The following FER variants were observed in gnomAD, a reference collection of about 807,000 sequenced individuals.
The protein encoded by FER is FER tyrosine kinase, also known as tyrosine-protein kinase Fer.
Under a neutral mutation model 111.0 loss-of-function variants are expected in FER, and 63 were observed. The observed-to-expected ratio is 0.57, with a 90% CI of 0.46 to 0.70. The LOEUF is 0.70. FER is among the 30% of genes least tolerant of loss of function. The pLI is 0.00. For synonymous variants in FER, 327 were observed against 313.9 expected, an observed-to-expected ratio of 1.04 and a Z score of -0.44; for missense variants, 914 against 954.0, an observed-to-expected ratio of 0.96 and a Z score of 0.55.
chr5:109,121,598 T>C (rs888371045), intron 17 of FER, among the ~76,000 whole-genome samples: 1 of 152,166 alleles, frequency 6.6e-6, no homozygotes, highest in Admixed American at 6.5e-5. Context: ...AGGTTAATAG[T>C]GGCCTCATGG....
intron 17 of FER, among the ~76,000 whole-genome samples, chr5:109,130,721 T>G (rs1170330459): frequency 6.6e-6 from 1 of 152,110 alleles, no homozygotes; most frequent in Non-Finnish European, 1.5e-5. Flanking sequence ...TATTTTTTAC[T>G]TATGCACATC....
chr5:108,849,480 T>TGTTG (rs1554078065), intron 5 of FER, among the ~76,000 whole-genome samples: 3 of 126,768 alleles, frequency 2.4e-5, no homozygotes, highest in African/African-American at 9.1e-5. Flanking sequence ...TTGTTGTTGT[T>TGTTG]TTGTTTTGTT....
At chr5:109,079,639 A>C (rs1260184384) in intron 16 of FER, among the ~76,000 whole-genome samples, 1 of 152,140 alleles carries the variant, frequency 6.6e-6, no homozygotes, top group African/African-American at 2.4e-5. Flanking sequence ...AACACATGTC[A>C]GTGTAGATGC....
At chr5:108,975,256 G>C (rs148532841) in intron 13 of FER, among the ~76,000 whole-genome samples, 5 of 152,206 alleles carry the variant, frequency 3.3e-5, no homozygotes, top group Non-Finnish European at 7.4e-5. Context: ...CTGTCGGGTT[G>C]AGGGGCAAGG....
At chr5:109,178,961 G>A (rs11952060) in intron 17 of FER, among the ~76,000 whole-genome samples, 46 of 151,944 alleles carry the variant, frequency 3.0e-4, no homozygotes, top group African/African-American at 1.1e-3. Flanking sequence ...GTCAAGTTTT[G>A]TAGTATAAAG....
intron 3 of FER, among the ~76,000 whole-genome samples, chr5:108,802,982 T>C (rs1483388377): frequency 1.3e-5 from 2 of 152,160 alleles, no homozygotes; most frequent in African/African-American, 2.4e-5. Flanking sequence ...TGTTCCCGTC[T>C]CTCCACAACC....
intron 16 of FER, among the ~76,000 whole-genome samples, chr5:109,060,348 C>T (rs144991761): frequency 5.3e-5 from 8 of 152,114 alleles, no homozygotes; most frequent in Admixed American, 2.0e-4. Flanking sequence ...TAGCTGAAAG[C>T]TTACTTAGCT....
At chr5:109,003,004 T>G (rs1765005264) in intron 13 of FER, among the ~76,000 whole-genome samples, 2 of 152,164 alleles carry the variant, frequency 1.3e-5, no homozygotes, top group Admixed American at 1.3e-4. Context: ...GGAACACTTT[T>G]TTACACTGTT....
chr5:108,753,300 A>G, intron 1 of FER, among the ~76,000 whole-genome samples: 1 of 152,094 alleles, frequency 6.6e-6, no homozygotes, highest in East Asian at 1.9e-4. Context: ...ATTTACAATA[A>G]ATTTACTTAA....
intron 3 of FER, among the ~76,000 whole-genome samples, chr5:108,799,405 ACT>A (rs1756392198): frequency 6.6e-6 from 1 of 152,074 alleles, no homozygotes; most frequent in South Asian, 2.1e-4. Context: ...TTAGAGGAAA[ACT>A]CTGTTACCTG....
intron 17 of FER, among the ~76,000 whole-genome samples, chr5:109,148,690 C>A (rs972425603): frequency 6.6e-6 from 1 of 152,120 alleles, no homozygotes; most frequent in African/African-American, 2.4e-5. Context: ...CAAAGGGTTA[C>A]CCCTCAGTTA....
Position 109,195,509 on chromosome 5 carries a change from A to G in FER, c.*7934A>G, listed in dbSNP as rs906320481. On this transcript the variant is annotated 3_prime_UTR_variant, in exon 20 of 20. Transcript: ENST00000281092. ...CATAACAAGTAAATTTTATAATCCTATGATTCTAAATTCAATCCCCAATAT... is the reference window on the plus strand; with the variant it reads ...CATAACAAGTAAATTTTATAATCCTGTGATTCTAAATTCAATCCCCAATAT... 1 of 152,196 alleles carries G rather than the reference A, an allele frequency of 6.6e-6. No homozygotes were observed. The highest frequency in any genetic ancestry group is 2.4e-5 in the African/African-American group (1 of 41,458). The allele number at this position is 152,196 out of a possible 1,614,324, so 9.4% of individuals were successfully genotyped here.
At position 109,059,505 on chromosome 5, in the gene FER, C is replaced by T. The variant is rs549950157; in HGVS notation, c.1924+12307C>T. ...ATCGTGCCACTGCCCTCCAGCCTGGCGACAGAGTGAGACTCCATCTCAAAA... is the reference window on the plus strand; with the variant it reads ...ATCGTGCCACTGCCCTCCAGCCTGGTGACAGAGTGAGACTCCATCTCAAAA... On this transcript the variant is annotated intron_variant, in intron 16 of 19. Transcript: ENST00000281092. Among the ~76,000 whole-genome samples the T allele has an allele frequency of 5.9e-5, 9 of 152,158 alleles. No homozygotes were observed. In the East Asian group the frequency reaches 7.7e-4, roughly 13 times the overall value.
chr5:109,013,484 G>A (rs1186114113), intron 13 of FER, among the ~76,000 whole-genome samples: 2 of 150,974 alleles, frequency 1.3e-5, no homozygotes, highest in Admixed American at 6.6e-5. Context: ...TATCATTGTT[G>A]GACATTTGGG....
In FER at chr5:108,909,134, C is replaced by G. The variant is rs368083294; in HGVS notation, c.1236+11286C>G. On this transcript the variant is annotated intron_variant, in intron 10 of 19. Coordinates refer to ENST00000281092, the MANE Select transcript of FER (RefSeq NM_005246.4). The stretch of plus-strand genomic sequence containing the variant: ...TAGTGAAGGATTTATATGTTTTTGT[C>G]TCCAAAATCTTGTGTCTTGAATTTT... Among the ~76,000 whole-genome samples the G allele has an allele frequency of 3.2e-4, 48 of 152,248 alleles. No homozygotes were observed. In the East Asian group the frequency reaches 4.2e-3, roughly 13 times the overall value.
chr5:108,778,506 C>T (rs1753729604), intron 2 of FER, among the ~76,000 whole-genome samples: 1 of 152,162 alleles, frequency 6.6e-6, no homozygotes, highest in African/African-American at 2.4e-5. Context: ...TAAACAGCGT[C>T]CTGGATTTTG....
intron 17 of FER, among the ~76,000 whole-genome samples, chr5:109,111,952 G>A (rs1362153554): frequency 6.6e-6 from 1 of 152,094 alleles, no homozygotes; most frequent in Non-Finnish European, 1.5e-5. Context: ...GGTCTGGTGT[G>A]CCTATTTTTA....
At chr5:109,158,250 G>T (rs1183652185) in intron 17 of FER, among the ~76,000 whole-genome samples, 2 of 151,870 alleles carry the variant, frequency 1.3e-5, no homozygotes, top group African/African-American at 4.8e-5. Flanking sequence ...GGGCTTGGTG[G>T]CACATGCCTG....
intron 17 of FER, among the ~76,000 whole-genome samples, chr5:109,137,666 A>G (rs1408627290): frequency 6.6e-6 from 1 of 152,210 alleles, no homozygotes; most frequent in African/African-American, 2.4e-5. Context: ...AAGGAGCCAC[A>G]AACGAAGGTA....
Sources: gnomAD v4.1 joint callset for allele counts (sites outside exome capture counted in the v4.1 genomes callset) on GRCh38, gnomAD v4.1.1 for gene constraint, MANE v1.5 for transcripts, NCBI Gene and HGNC (gene_info 2026-07-23, HGNC 2026-07-21) for gene names.